The following EML6 variants were observed in gnomAD, a reference collection of about 807,000 sequenced individuals.
EML6 encodes echinoderm microtubule-associated protein-like 6.
A neutral mutation model predicts 240.1 loss-of-function variants in EML6; 154 were observed. The observed-to-expected ratio is 0.64, with a 90% CI of 0.56 to 0.73. The LOEUF is 0.73. Among genes scored for constraint, EML6 ranks in the 30% least tolerant of loss-of-function variants. EML6 has a pLI of 0.00. For synonymous variants in EML6, 1,148 were observed against 899.0 expected, an observed-to-expected ratio of 1.28 and a Z score of -4.95; for missense variants, 2,964 against 2,474.6, an observed-to-expected ratio of 1.20 and a Z score of -4.20.
At chr2:54,929,633 A>G (rs72910805) in intron 28 of EML6, among the ~76,000 whole-genome samples, 6,948 of 152,060 alleles carry the variant, frequency 0.046, 541 homozygotes, top group African/African-American at 0.16. Context: ...GCCTAACAAC[A>G]ATAAGTCTGA....
At chr2:54,857,217 A>G (rs1670432527) in intron 11 of EML6, among the ~76,000 whole-genome samples, 1 of 152,226 alleles carries the variant, frequency 6.6e-6, no homozygotes. Flanking sequence ...GACGTGGCAC[A>G]GAGCTGTCAG....
rs184531772 is a variant in EML6, at chr2:54,952,496, T to G, written c.4214-98T>G. The G allele has an allele frequency of 1.7e-5, 12 of 685,758 alleles. No individual in the cohort carries two copies. The East Asian group carries it at 3.2e-4, about 18-fold the overall frequency. The allele number at this position is 685,758 out of a possible 1,614,324, so 42.5% of individuals were successfully genotyped here. On this transcript the variant is annotated intron_variant, in intron 30 of 41. Transcript: ENST00000356458. ...ATTTGAGGGCTGTAAGCTCTCACTT[T>G]TATAAGAAGTATCCAATGGCTCCAC...
chr2:54,778,751 G>C (rs913621346), intron 2 of EML6, among the ~76,000 whole-genome samples: 2 of 151,696 alleles, frequency 1.3e-5, no homozygotes, highest in Admixed American at 1.3e-4. Flanking sequence ...AATTAGCTGC[G>C]TGTGGTGGCG....
At chr2:54,726,621 CT>C (rs1286909981) in intron 2 of EML6, among the ~76,000 whole-genome samples, 2 of 152,144 alleles carry the variant, frequency 1.3e-5, no homozygotes, top group African/African-American at 4.8e-5. Context: ...ACACAAATAG[CT>C]TTTTTTCTTC....
At chr2:54,951,162 A>G (rs1432870608) in intron 30 of EML6, among the ~76,000 whole-genome samples, 1 of 152,222 alleles carries the variant, frequency 6.6e-6, no homozygotes, top group Non-Finnish European at 1.5e-5. Flanking sequence ...GCTATTTTTT[A>G]ACAGCTCAGA....
At chr2:54,796,040 T>G (rs908723859) in intron 2 of EML6, among the ~76,000 whole-genome samples, 1 of 152,044 alleles carries the variant, frequency 6.6e-6, no homozygotes, top group Non-Finnish European at 1.5e-5. Flanking sequence ...GAGATAAAAT[T>G]ACACAAATAA....
intron 2 of EML6, among the ~76,000 whole-genome samples, chr2:54,741,454 GCACA>G (rs748756810): frequency 2.0e-5 from 3 of 151,026 alleles, no homozygotes; most frequent in Non-Finnish European, 4.4e-5. Flanking sequence ...AAGTACACAC[GCACA>G]CACACACACA....
At chr2:54,827,828 CCTT>C (rs1489540468) in intron 6 of EML6, 77 bp downstream of exon 6, 14 of 1,042,934 alleles carry the variant, frequency 1.3e-5, no homozygotes, top group Non-Finnish European at 1.8e-5. Flanking sequence ...TGTATGTTTC[CCTT>C]CTTGCTTTAG....
chr2:54,929,173 C>T (rs1218499117), intron 28 of EML6, among the ~76,000 whole-genome samples: 2 of 152,176 alleles, frequency 1.3e-5, no homozygotes, highest in African/African-American at 2.4e-5. Flanking sequence ...TCCATTCTAA[C>T]CAGAATCTGT....
chr2:54,892,581 T>C lies in EML6; in HGVS notation c.2667T>C (p.Ile889=), dbSNP rs913083381. Residue 889 remains isoleucine (I), a synonymous_variant, in exon 19 of 42, where the codon ATT becomes ATC. Coordinates refer to ENST00000356458, the MANE Select transcript of EML6 (RefSeq NM_001039753.4). The part of the protein sequence containing the change: ...FSGAATGDIF[I]WKDILLLKTV... Reference sequence around the variant, plus strand: ...GAGCAGCTACTGGAGATATTTTTATTTGGAAAGACATTCTACTACTGAAGA... The same window carrying C: ...GAGCAGCTACTGGAGATATTTTTATCTGGAAAGACATTCTACTACTGAAGA... 21 of 1,551,648 alleles carry C rather than the reference T, an allele frequency of 1.4e-5. No individual in the cohort carries two copies. Among genetic ancestry groups the C allele is most frequent in the East Asian group, 2.4e-5 (1 of 40,920 alleles).
chr2:54,954,850 T>A (rs188070939), intron 32 of EML6, among the ~76,000 whole-genome samples: 2 of 152,148 alleles, frequency 1.3e-5, no homozygotes, highest in Non-Finnish European at 2.9e-5. Context: ...GTCAGAACAT[T>A]AATGAGGTCT....
intron 2 of EML6, among the ~76,000 whole-genome samples, chr2:54,799,866 A>C (rs1287187686): frequency 6.6e-6 from 1 of 152,224 alleles, no homozygotes; most frequent in Non-Finnish European, 1.5e-5. Flanking sequence ...TACTAGATAG[A>C]GCTCTCTGAC....
chr2:54,862,018 A>G (rs1230083169), intron 12 of EML6, among the ~76,000 whole-genome samples: 2 of 152,108 alleles, frequency 1.3e-5, no homozygotes, highest in Non-Finnish European at 2.9e-5. Flanking sequence ...CTACTCAATG[A>G]GTTTTGGTAC....
chr2:54,949,076 C>T (rs1358807141), intron 29 of EML6, 116 bp downstream of exon 29: 1 of 774,744 alleles, frequency 1.3e-6, no homozygotes, highest in Non-Finnish European at 2.2e-6. Context: ...GTCCCTTGGG[C>T]TCTCTTTTGT....
intron 24 of EML6, among the ~76,000 whole-genome samples, chr2:54,904,744 G>A (rs1428304090): frequency 2.0e-5 from 3 of 152,176 alleles, no homozygotes; most frequent in Non-Finnish European, 2.9e-5. Flanking sequence ...GGGATCTAGC[G>A]TGGGGCATTC....
intron 9 of EML6, 110 bp from the exon 10 acceptor site, chr2:54,849,852 G>T: frequency 2.5e-6 from 2 of 810,714 alleles, no homozygotes; most frequent in Admixed American, 5.6e-5. Context: ...TTTAATTCCT[G>T]CAGGTTTGGT....
rs550230791 is a variant in EML6 at position 54,957,237 on chromosome 2, A to G, written c.4487-553A>G. 8.3e-4 allele frequency among the ~76,000 whole-genome samples: 127 copies of G among 152,236 alleles called. 2 individuals carry two copies. The highest frequency in any genetic ancestry group is 3.0e-3 in the African/African-American group (123 of 41,550). On this transcript the variant is annotated intron_variant, in intron 32 of 41. Transcript: ENST00000356458. ...ACAAAGGTTAAATAAAACTCAGGAG[A>G]CATAAATAAATGGGGTTAAGGAAAA... is the stretch of plus-strand genomic sequence containing the variant.
intron 11 of EML6, 98 bp downstream of exon 11, chr2:54,853,953 G>T: frequency 1.6e-6 from 1 of 632,690 alleles, no homozygotes. Flanking sequence ...CCAATGCACT[G>T]TTTATTTTAT....
At position 54,959,094 on chromosome 2, in the gene EML6, T is replaced by C. The variant is rs188168710; in HGVS notation, c.4696-10T>C. 4.4e-4 allele frequency: 683 copies of C among 1,547,442 alleles called. 6 individuals carry two copies. In the African/African-American group the frequency reaches 7.7e-3, roughly 17 times the overall value. ...TGTTCCGGGTGTAGAAGATGTTGTT[T>C]TGTTTACAGAACAATCTCACTTTCA... On this transcript the variant is annotated splice_polypyrimidine_tract_variant and intron_variant, in intron 33 of 41. Coordinates refer to ENST00000356458, the MANE Select transcript of EML6 (RefSeq NM_001039753.4).
Sources: gnomAD v4.1 joint callset for allele counts (sites outside exome capture counted in the v4.1 genomes callset) on GRCh38, gnomAD v4.1.1 for gene constraint, MANE v1.5 for transcripts, NCBI Gene and HGNC (gene_info 2026-07-23, HGNC 2026-07-21) for gene names.